Variants in STK38L observed in about 807,000 individuals in gnomAD.
STK38L encodes the protein serine/threonine kinase 38 like.
STK38L carries 28 observed loss-of-function variants against 59.7 expected under a neutral mutation model. The ratio of observed to expected loss-of-function variants is 0.47; its 90% CI spans 0.35 to 0.64. STK38L has a LOEUF of 0.64. Among genes scored for constraint, STK38L ranks in the 30% least tolerant of loss-of-function variants. STK38L has a pLI of 0.01. For missense variants in STK38L, 314 were observed against 555.8 expected (o/e 0.56, Z 4.37); for synonymous variants, 162 against 176.8 (o/e 0.92, Z 0.66).
intron 1 of STK38L, among the ~76,000 whole-genome samples, chr12:27,284,235 G>GGGGTA (rs71039805): frequency 0.047 from 7,122 of 152,256 alleles, 187 homozygotes; most frequent in Non-Finnish European, 0.061. Context: ...CTTTGCTGCA[G>GGGGTA]GGGTAGTACA....
chr12:27,245,948 A>G (rs1942841693), intron 1 of STK38L: 1 of 152,202 alleles, frequency 6.6e-6, no homozygotes, highest in African/African-American at 2.4e-5. Context: ...ACTCTTTTGA[A>G]AGGCCTTGCC....
intron 1 of STK38L, among the ~76,000 whole-genome samples, chr12:27,273,914 G>A (rs1409636040): frequency 6.6e-6 from 1 of 152,150 alleles, no homozygotes; most frequent in Non-Finnish European, 1.5e-5. Context: ...TGTGGTTTGT[G>A]GCACTGAGGA....
At chr12:27,290,730 G>A (rs1943877700) in intron 1 of STK38L, among the ~76,000 whole-genome samples, 3 of 152,208 alleles carry the variant, frequency 2.0e-5, no homozygotes, top group Admixed American at 6.5e-5. Flanking sequence ...TGGAGAGTTG[G>A]TGGACGGGTG....
At chr12:27,261,874 A>G (rs1481349155) in intron 1 of STK38L, among the ~76,000 whole-genome samples, 1 of 152,192 alleles carries the variant, frequency 6.6e-6, no homozygotes, top group Non-Finnish European at 1.5e-5. Context: ...AGGGTTTACT[A>G]TTTGCCAGAT....
intron 1 of STK38L, among the ~76,000 whole-genome samples, chr12:27,296,116 T>C (rs1306007330): frequency 6.6e-6 from 1 of 152,196 alleles, no homozygotes; most frequent in Non-Finnish European, 1.5e-5. Flanking sequence ...AATGCAATCA[T>C]GCATGGCAAG....
At position 27,250,973 on chromosome 12, in the gene STK38L, T is replaced by C. The variant is rs140829437; in HGVS notation, c.-12+6641T>C. 9.2e-3 allele frequency among the ~76,000 whole-genome samples: 1,253 copies of C among 136,818 alleles called. 8 individuals are homozygous for C. Among genetic ancestry groups the C allele is most frequent in the Non-Finnish European group, 0.013 (832 of 65,520 alleles). 89.8% of individuals were successfully genotyped at this position (136,818 alleles called of 152,430 possible). On this transcript the variant is annotated intron_variant, in intron 1 of 13. Coordinates refer to ENST00000389032, the MANE Select transcript of STK38L (RefSeq NM_015000.4). ...GAGACCACTTCACTGTAGCCCAGCC[T>C]GGGTGACAGTGAGACTCTGTCTCAA...
intron 1 of STK38L, among the ~76,000 whole-genome samples, chr12:27,293,028 C>G (rs944015184): frequency 1.6e-4 from 25 of 152,154 alleles, no homozygotes; most frequent in African/African-American, 6.0e-4. Context: ...CATAGTGCAC[C>G]ACAGCCTTGA....
Position 27,308,607 on chromosome 12 carries a change from C to T in STK38L, c.309+146C>T, listed in dbSNP as rs564255599. The T allele has an allele frequency of 4.0e-5, 34 of 851,902 alleles. No individual in the cohort carries two copies. The highest frequency in any genetic ancestry group is 4.0e-4 in the Admixed American group (9 of 22,626). 52.8% of individuals were successfully genotyped at this position (851,902 alleles called of 1,614,324 possible). The stretch of plus-strand genomic sequence containing the variant: ...TGGGAGGCCGAGGCGGGTGGATCGC[C>T]TGAGGTCAGGAGTTCGAGACCAGCC... On this transcript the variant is annotated intron_variant, in intron 4 of 13. Coordinates refer to ENST00000389032, the MANE Select transcript of STK38L (RefSeq NM_015000.4). The surrounding 1 kb of genome is among the most constrained non-coding windows in gnomAD (Gnocchi z 4.5).
chr12:27,254,433 G>A (rs1050181527), intron 1 of STK38L, among the ~76,000 whole-genome samples: 2 of 152,140 alleles, frequency 1.3e-5, no homozygotes, highest in Non-Finnish European at 2.9e-5. Flanking sequence ...GTCATTCAGA[G>A]ACCTGTATGT....
chr12:27,261,643 T>C (rs913742416), intron 1 of STK38L, among the ~76,000 whole-genome samples: 4 of 152,230 alleles, frequency 2.6e-5, no homozygotes, highest in Non-Finnish European at 5.9e-5. Flanking sequence ...GCTTAAGGTC[T>C]ACTTGATCAG....
At chr12:27,288,932 C>T (rs1034493099) in intron 1 of STK38L, among the ~76,000 whole-genome samples, 3 of 149,658 alleles carry the variant, frequency 2.0e-5, no homozygotes, top group Admixed American at 6.7e-5. Flanking sequence ...TGTATGTGCT[C>T]GTGTGTGTGC....
chr12:27,254,940 T>G (rs1003515030), intron 1 of STK38L, among the ~76,000 whole-genome samples: 4 of 152,222 alleles, frequency 2.6e-5, no homozygotes, highest in African/African-American at 9.6e-5. Flanking sequence ...ATACTCTGGT[T>G]GTATTTTTAT....
chr12:27,248,495 A>G (rs1358460994), intron 1 of STK38L, among the ~76,000 whole-genome samples: 2 of 152,206 alleles, frequency 1.3e-5, no homozygotes, highest in East Asian at 3.8e-4. Flanking sequence ...AATTGGATTT[A>G]AAGGTTAGAA....
At chr12:27,302,417 G>A (rs567302653) in intron 3 of STK38L, 2 of 328,656 alleles carry the variant, frequency 6.1e-6, no homozygotes, top group Admixed American at 4.9e-5. Flanking sequence ...GTGTATTTTA[G>A]GTGTGTGGAA....
At chr12:27,262,400 C>T (rs1026598) in intron 1 of STK38L, among the ~76,000 whole-genome samples, 118,807 of 152,154 alleles carry the variant, frequency 0.78, 46,611 homozygotes, top group Non-Finnish European at 0.83. Flanking sequence ...ACAAAATGTT[C>T]AAATCAAAAT....
intron 1 of STK38L, chr12:27,297,246 TC>T (rs1171191598): frequency 6.5e-6 from 1 of 153,140 alleles, no homozygotes; most frequent in Non-Finnish European, 1.5e-5. Flanking sequence ...ATACAACACT[TC>T]ATGTTTCATA....
At chr12:27,314,705 G>C (rs750606266) in intron 7 of STK38L, 47 bp downstream of exon 7, 21 of 1,536,476 alleles carry the variant, frequency 1.4e-5, no homozygotes, top group Non-Finnish European at 1.8e-5. Context: ...TTATTTTTTA[G>C]AGCAGTAGGG....
At chr12:27,244,713 G>A (rs1942812270) in intron 1 of STK38L, among the ~76,000 whole-genome samples, 1 of 152,196 alleles carries the variant, frequency 6.6e-6, no homozygotes, top group Admixed American at 6.5e-5. Flanking sequence ...CCCTCCAGCC[G>A]ATGTCACCCA....
chr12:27,245,524 A>C (rs376528475), intron 1 of STK38L: 8 of 152,234 alleles, frequency 5.3e-5, no homozygotes, highest in Middle Eastern at 6.8e-3. Context: ...GATTCTTGAA[A>C]GTTCTTTGTC....
Sources: gnomAD v4.1 joint callset for allele counts (sites outside exome capture counted in the v4.1 genomes callset) on GRCh38, gnomAD v4.1.1 for gene constraint, Gnocchi (gnomAD v3.1) non-coding constraint, MANE v1.5 for transcripts, NCBI Gene and HGNC (gene_info 2026-07-23, HGNC 2026-07-21) for gene names.